The following SMYD3 variants were observed in gnomAD, a reference collection of about 807,000 sequenced individuals.
SMYD3 encodes the protein SET and MYND domain containing 3.
In SMYD3, 36 loss-of-function variants were observed where a neutral mutation model predicts 57.7. That is an observed-to-expected ratio of 0.62 (90% CI 0.48 to 0.82). The LOEUF (loss-of-function observed/expected upper bound fraction) is 0.82, where lower values mean the gene tolerates loss of function less well. SMYD3 is among the 40% of genes least tolerant of loss of function. SMYD3 has a pLI of 0.00. For synonymous variants in SMYD3, 211 were observed against 195.0 expected (o/e 1.08, Z -0.68); for missense variants, 515 against 538.8 (o/e 0.96, Z 0.44).
chr1:246,338,416 T>C (rs1453191939), intron 2 of SMYD3, among the ~76,000 whole-genome samples: 3 of 152,240 alleles, frequency 2.0e-5, no homozygotes, highest in East Asian at 3.8e-4. Context: ...ATTTGTCATA[T>C]ATATTTGCCA....
chr1:246,339,814 G>A (rs115049480), intron 2 of SMYD3, among the ~76,000 whole-genome samples: 3,833 of 152,278 alleles, frequency 0.025, 79 homozygotes, highest in Non-Finnish European at 0.04. Context: ...AAGAGAGTCC[G>A]GCCCTCTCTT....
chr1:245,997,517 T>G (rs982655984), intron 5 of SMYD3, among the ~76,000 whole-genome samples: 2 of 152,248 alleles, frequency 1.3e-5, no homozygotes, highest in Non-Finnish European at 2.9e-5. Context: ...TTTCACTTCC[T>G]TGGAGCCGTG....
chr1:245,950,780 A>G (rs2057604471), intron 5 of SMYD3, among the ~76,000 whole-genome samples: 1 of 152,240 alleles, frequency 6.6e-6, no homozygotes, highest in African/African-American at 2.4e-5. Flanking sequence ...TTTTCTATCC[A>G]TGCTCAGTTA....
At chr1:245,902,546 C>T (rs576048743) in intron 8 of SMYD3, among the ~76,000 whole-genome samples, 1 of 152,312 alleles carries the variant, frequency 6.6e-6, no homozygotes, top group East Asian at 1.9e-4. Context: ...ATTACAAGGC[C>T]TGCAGACAGT....
chr1:246,192,980 G>T (rs2148332460), intron 5 of SMYD3, among the ~76,000 whole-genome samples: 1 of 151,486 alleles, frequency 6.6e-6, no homozygotes, highest in African/African-American at 2.4e-5. Context: ...AATGATTATA[G>T]GAAATCTTGG....
chr1:246,330,376 A>C, intron 4 of SMYD3, 104 bp downstream of exon 4: 1 of 891,662 alleles, frequency 1.1e-6, no homozygotes, highest in Non-Finnish European at 1.7e-6. Flanking sequence ...GGTTTGCATC[A>C]CATTATAAAG....
At chr1:246,297,775 T>C (rs920409844) in intron 5 of SMYD3, among the ~76,000 whole-genome samples, 5 of 152,148 alleles carry the variant, frequency 3.3e-5, no homozygotes, top group African/African-American at 1.2e-4. Flanking sequence ...ACAATACTTT[T>C]CAATTAAATT....
chr1:246,039,228 A>G (rs2059827745), intron 5 of SMYD3, among the ~76,000 whole-genome samples: 2 of 152,206 alleles, frequency 1.3e-5, no homozygotes, highest in Non-Finnish European at 2.9e-5. Flanking sequence ...TATCCTGGCA[A>G]TTGTAGTCGG....
chr1:245,773,097 A>AG (rs2046404528), intron 10 of SMYD3, among the ~76,000 whole-genome samples: 1 of 151,754 alleles, frequency 6.6e-6, no homozygotes, highest in South Asian at 2.1e-4. Flanking sequence ...CACTAAAAAA[A>AG]AAAAAAAAAA....
At chr1:246,470,534 TAATA>T (rs2067946891) in intron 1 of SMYD3, among the ~76,000 whole-genome samples, 1 of 147,644 alleles carries the variant, frequency 6.8e-6, no homozygotes, top group Admixed American at 6.8e-5. Context: ...TATATATATA[TAATA>T]TATACACATA....
chr1:246,067,883 G>A (rs963325221), intron 5 of SMYD3, among the ~76,000 whole-genome samples: 3 of 152,196 alleles, frequency 2.0e-5, no homozygotes, highest in Middle Eastern at 3.4e-3. Flanking sequence ...CAGGAAAACC[G>A]CAAATAGTTC....
chr1:246,123,562 C>G (rs1324579083), intron 5 of SMYD3, among the ~76,000 whole-genome samples: 1 of 144,668 alleles, frequency 6.9e-6, no homozygotes, highest in Non-Finnish European at 1.5e-5. Context: ...GAGTGAGACT[C>G]CATCTCAAAA....
chr1:245,933,966 T>C lies in SMYD3; in HGVS notation c.532-4029A>G, dbSNP rs151091684. ...CCAGCCCCCTCCCCCAATTACTGAA[T>C]TCTACACAGCCTATTTCAAATAATA... On this transcript the variant is annotated intron_variant, in intron 5 of 11. Coordinates refer to ENST00000490107, the MANE Select transcript of SMYD3 (RefSeq NM_001167740.2). 1.9e-3 allele frequency among the ~76,000 whole-genome samples: 287 copies of C among 151,892 alleles called. 1 individual carries two copies. The highest frequency in any genetic ancestry group is 6.2e-3 in the African/African-American group (256 of 41,428).
intron 5 of SMYD3, among the ~76,000 whole-genome samples, chr1:246,008,962 A>C (rs1158694145): frequency 6.6e-6 from 1 of 152,222 alleles, no homozygotes; most frequent in Non-Finnish European, 1.5e-5. Context: ...TTCAAGTGCC[A>C]GCCGTACCGC....
intron 1 of SMYD3, among the ~76,000 whole-genome samples, chr1:246,472,770 A>G (rs551485747): frequency 1.3e-5 from 2 of 152,222 alleles, no homozygotes; most frequent in Non-Finnish European, 2.9e-5. Flanking sequence ...AGAAAAAACA[A>G]AAAGCTTCCT....
intron 5 of SMYD3, among the ~76,000 whole-genome samples, chr1:245,957,552 A>T (rs1468553673): frequency 2.6e-5 from 4 of 152,190 alleles, no homozygotes; most frequent in African/African-American, 9.7e-5. Flanking sequence ...TTCTTTTCTG[A>T]ATCTTCCCTA....
At chr1:245,948,325 G>A (rs1476591408) in intron 5 of SMYD3, among the ~76,000 whole-genome samples, 3 of 152,174 alleles carry the variant, frequency 2.0e-5, no homozygotes, top group African/African-American at 7.2e-5. Flanking sequence ...GGAAGTGACA[G>A]GAGACGCCTA....
intron 5 of SMYD3, among the ~76,000 whole-genome samples, chr1:246,220,977 G>C (rs1287999220): frequency 6.6e-6 from 1 of 151,744 alleles, no homozygotes; most frequent in Non-Finnish European, 1.5e-5. Context: ...CCTCCTCTCT[G>C]CTGAGAGAAC....
rs1212653910 is a variant in SMYD3 at position 246,327,121 on chromosome 1, C to T, written c.531+80G>A. On this transcript the variant is annotated intron_variant, in intron 5 of 11. Transcript: ENST00000490107. ...GTCTTGAATTTCCTGTCAAGATTCT[C>T]GACATTTTTGTAACTAACAACAAAA... The T allele has an allele frequency of 5.8e-6, 9 of 1,555,772 alleles. No homozygotes were observed. The East Asian group carries it at 1.6e-4, about 27-fold the overall frequency.
Sources: allele counts gnomAD v4.1 joint callset (sites outside exome capture counted in the v4.1 genomes callset), GRCh38; gene constraint gnomAD v4.1.1; transcripts MANE v1.5; gene names NCBI Gene and HGNC (gene_info 2026-07-23, HGNC 2026-07-21).